Variants in TRAPPC4 observed in about 807,000 individuals in gnomAD.
TRAPPC4 encodes the protein trafficking protein particle complex subunit 4, also known as TRS23 homolog.
TRAPPC4 carries 30 observed loss-of-function variants against 23.5 expected under a neutral mutation model. The observed-to-expected ratio is 1.28, with a 90% CI of 0.96 to 1.73. The LOEUF (loss-of-function observed/expected upper bound fraction) is 1.73. Among genes scored for constraint, TRAPPC4 ranks in the 40% most tolerant of loss-of-function variants. The pLI, the probability that TRAPPC4 is intolerant of heterozygous loss-of-function variation, is 0.00. For synonymous variants in TRAPPC4, 129 were observed against 105.3 expected (o/e 1.23, Z -1.38); for missense variants, 252 against 268.9 (o/e 0.94, Z 0.44).
At chr11:119,021,938 G>A (rs1488174732) in intron 4 of TRAPPC4, 52 bp downstream of exon 4, 2 of 1,601,840 alleles carry the variant, frequency 1.2e-6, no homozygotes, top group South Asian at 1.1e-5. Context: ...GCCCCTCCCT[G>A]TGTGCTCTGT....
Position 119,018,900 on chromosome 11 carries a change from G to A in TRAPPC4, c.105G>A (p.Pro35=). The A allele has an allele frequency of 6.2e-7, 1 of 1,614,010 alleles. No individual in the cohort carries two copies. Among genetic ancestry groups the A allele is most frequent in the Non-Finnish European group, 8.5e-7 (1 of 1,180,032 alleles). Residue 35 remains proline (P), a synonymous_variant, in exon 1 of 5, where the codon CCG becomes CCA. Coordinates refer to ENST00000533632, the MANE Select transcript of TRAPPC4 (RefSeq NM_016146.6). ...AGGCTGAGAAAACTTTCAGTTATCCGCTGGATCTGCTGCTCAAGCTACACG... is the reference window on the plus strand; with the variant it reads ...AGGCTGAGAAAACTTTCAGTTATCCACTGGATCTGCTGCTCAAGCTACACG... The part of the protein sequence containing the change: ...RAEAEKTFSY[P]LDLLLKLHDE...
At chr11:119,019,475 G>A (rs1428441237) in intron 2 of TRAPPC4, 158 bp downstream of exon 2, 1 of 774,228 alleles carries the variant, frequency 1.3e-6, no homozygotes, top group Non-Finnish European at 2.0e-6. Flanking sequence ...GAGGGGCCGC[G>A]GAGTTACCCA....
intron 4 of TRAPPC4, among the ~76,000 whole-genome samples, chr11:119,022,408 T>G (rs1189613284): frequency 4.7e-5 from 7 of 150,524 alleles, no homozygotes; most frequent in Non-Finnish European, 1.5e-5. Context: ...CTGGACAACA[T>G]AGAACCCCAT....
Position 119,020,245 on chromosome 11 carries a change from C to T in TRAPPC4, c.446C>T (p.Thr149Ile), listed in dbSNP as rs574266822. 1.9e-6 allele frequency: 3 copies of T among 1,612,274 alleles called. No homozygotes were observed. The highest frequency in any genetic ancestry group is 2.7e-5 in the African/African-American group (2 of 74,986). ...ACATTCAAATTGCACTGCTACCAGA[C>T]ACTGACAGGTATGCATCTCCACGGA... The part of the protein sequence containing the change: ...TDTFKLHCYQ[T>I]LTGIKFVVLA... The change falls in exon 3 of 5, where the codon ACA (threonine) becomes ATA (isoleucine). Residue 149 changes from threonine (T) to isoleucine (I), a missense_variant. Coordinates refer to ENST00000533632, the MANE Select transcript of TRAPPC4 (RefSeq NM_016146.6).
In TRAPPC4 at chr11:119,023,531, G is replaced by T; in HGVS notation, c.*132G>T. The T allele has an allele frequency of 1.3e-6, 1 of 793,120 alleles. No homozygotes were observed. Among genetic ancestry groups the T allele is most frequent in the Non-Finnish European group, 2.1e-6 (1 of 466,190 alleles). 49.1% of individuals were successfully genotyped at this position (793,120 alleles called of 1,614,324 possible). On this transcript the variant is annotated 3_prime_UTR_variant, in exon 5 of 5. Transcript: ENST00000533632. The stretch of plus-strand genomic sequence containing the variant: ...GGGAGAATGCTGACCCTGATGACTT[G>T]TACTGATTCCTGAGCCTTAACACTG...
rs546508625 is a variant in TRAPPC4 at position 119,024,043 on chromosome 11, T to C, written c.*644T>C. The C allele has an allele frequency of 6.5e-6, 1 of 152,792 alleles. No homozygotes were observed. The highest frequency in any genetic ancestry group is 1.5e-5 in the Non-Finnish European group (1 of 68,462). The allele number at this position is 152,792 out of a possible 1,614,324, so 9.5% of individuals were successfully genotyped here. A position where few individuals can be genotyped will look rare whatever the true frequency, so the allele number is the denominator to read the frequency against. On this transcript the variant is annotated 3_prime_UTR_variant, in exon 5 of 5. Transcript: ENST00000533632. ...ACTTTCTGCCTCAAAGTTTCCAAGC[T>C]AGTTACTGACAGTCTGGGTTTGAAC... is the stretch of plus-strand genomic sequence containing the variant.
chr11:119,023,291 CTTT>C, intron 4 of TRAPPC4, 27 bp from the exon 5 acceptor site: 1 of 1,612,336 alleles, frequency 6.2e-7, no homozygotes, highest in South Asian at 1.1e-5. Flanking sequence ...AGGCCTCACA[CTTT>C]TTTTCCTCAC....
Position 119,023,686 on chromosome 11 carries a change from C to A in TRAPPC4, c.*287C>A. 2 of 249,226 alleles carry A rather than the reference C, an allele frequency of 8.0e-6. No homozygotes were observed. The highest frequency in any genetic ancestry group is 1.5e-5 in the Non-Finnish European group (2 of 129,828). The allele number at this position is 249,226 out of a possible 1,614,324, so 15.4% of individuals were successfully genotyped here. A position where few individuals can be genotyped will look rare whatever the true frequency, so the allele number is the denominator to read the frequency against. On this transcript the variant is annotated 3_prime_UTR_variant, in exon 5 of 5. Transcript: ENST00000533632. ...CTTGGTGTTTGCAATCTGTCTTAATCGATGGTTTTGGGGGAAAGATACAGG... is the reference window on the plus strand; with the variant it reads ...CTTGGTGTTTGCAATCTGTCTTAATAGATGGTTTTGGGGGAAAGATACAGG...
chr11:119,022,792 A>C (rs1282917074), intron 4 of TRAPPC4, among the ~76,000 whole-genome samples: 2 of 114 alleles, frequency 0.018, no homozygotes, highest in Admixed American at 0.17. Flanking sequence ...CCAGCTACTC[A>C]AGTAGGCTGA....
intron 4 of TRAPPC4, chr11:119,022,942 GTTTT>G (rs376353540): frequency 1.6e-5 from 2 of 124,338 alleles, no homozygotes; most frequent in African/African-American, 3.0e-5. Flanking sequence ...TGTTTGTGGG[GTTTT>G]TTTTGTTGAT....
rs1427717895 is a variant in TRAPPC4, at chr11:119,019,363, C to T, written c.350+46C>T. The T allele has an allele frequency of 2.5e-6, 4 of 1,577,498 alleles. No individual in the cohort carries two copies. The East Asian group carries it at 6.8e-5, about 27-fold the overall frequency. On this transcript the variant is annotated intron_variant, in intron 2 of 4. Coordinates refer to ENST00000533632, the MANE Select transcript of TRAPPC4 (RefSeq NM_016146.6). ...ACGGCAGCGCTTGTAATTTGTCTAC[C>T]TTTTCTTAAATCGTCGTTCTGGTGT...
intron 3 of TRAPPC4, 131 bp downstream of exon 3, chr11:119,020,384 C>T: frequency 1.5e-6 from 1 of 665,812 alleles, no homozygotes; most frequent in Non-Finnish European, 2.7e-6. Context: ...ACCAAAGACA[C>T]CTTTGGTAAG....
At chr11:119,020,378 A>G in intron 3 of TRAPPC4, 125 bp downstream of exon 3, 1 of 705,552 alleles carries the variant, frequency 1.4e-6, no homozygotes, top group Non-Finnish European at 2.5e-6. Context: ...GGGTTGACCA[A>G]AGACACCTTT....
chr11:119,020,763 T>C (rs558135833), intron 3 of TRAPPC4: 1 of 146,668 alleles, frequency 6.8e-6, no homozygotes, highest in African/African-American at 2.6e-5. Flanking sequence ...TGGAGTGTAG[T>C]GGCATGATCT....
Position 119,019,148 on chromosome 11 carries a change from C to A in TRAPPC4, c.181C>A (p.His61Asn). 1 of 1,614,024 alleles carries A rather than the reference C, an allele frequency of 6.2e-7. No homozygotes were observed. The highest frequency in any genetic ancestry group is 1.1e-5 in the South Asian group (1 of 91,062). ...FGQRDGIRVG[H>N]AVLAINGMDV... ...CGTTAGCTTCACCTCTGCAGTGGGT[C>A]ATGCAGTGCTGGCCATCAATGGCAT... is the stretch of plus-strand genomic sequence containing the variant. Residue 61 changes from histidine to asparagine, a missense_variant, in exon 2 of 5, where the codon CAT (histidine) becomes AAT (asparagine). Transcript: ENST00000533632.
intron 4 of TRAPPC4, 137 bp from the exon 5 acceptor site, chr11:119,023,184 C>CTT (rs1943439580): frequency 6.6e-6 from 5 of 758,868 alleles, no homozygotes; most frequent in Admixed American, 4.4e-5. Flanking sequence ...AGGCTAGTCT[C>CTT]AAAGTCCTGA....
At position 119,018,924 on chromosome 11, in the gene TRAPPC4, C is replaced by T. The variant is rs1338953616; in HGVS notation, c.129C>T (p.His43=). ...CGCTGGATCTGCTGCTCAAGCTACA[C>T]GATGAGCGTGTGTTGGTTGCTTTCG... ...SYPLDLLLKL[H]DERVLVAFGQ... The change falls in exon 1 of 5, where the codon CAC becomes CAT. Residue 43 remains histidine, a synonymous_variant. Transcript: ENST00000533632. The T allele has an allele frequency of 1.7e-5, 28 of 1,613,642 alleles. No individual in the cohort carries two copies. Among genetic ancestry groups the T allele is most frequent in the Non-Finnish European group, 2.4e-5 (28 of 1,180,030 alleles).
At position 119,020,196 on chromosome 11, in the gene TRAPPC4, G is replaced by C; in HGVS notation, c.397G>C (p.Gly133Arg). 1 of 1,613,998 alleles carries C rather than the reference G, an allele frequency of 6.2e-7. No individual in the cohort carries two copies. The highest frequency in any genetic ancestry group is 1.1e-5 in the South Asian group (1 of 91,088). Reference sequence around the variant, plus strand: ...GCTGTCTCCTGAACAGGGAAGCTCAGGCATTGAGATGCTGGAGACAGACAC... The same window carrying C: ...GCTGTCTCCTGAACAGGGAAGCTCACGCATTGAGATGCTGGAGACAGACAC... ...SQLSPEQGSS[G>R]IEMLETDTFK... is the part of the protein sequence containing the mutation. The change falls in exon 3 of 5, where the codon GGC becomes CGC. Residue 133 changes from glycine to arginine, a missense_variant. This residue lies in a region of TRAPPC4 where 222 missense variants were observed against 217.8 expected (regional missense o/e 1.02). Transcript: ENST00000533632.
At chr11:119,021,936 C>G in intron 4 of TRAPPC4, 50 bp downstream of exon 4, 2 of 1,601,950 alleles carry the variant, frequency 1.2e-6, no homozygotes, top group Non-Finnish European at 1.7e-6. Flanking sequence ...TTGCCCCTCC[C>G]TGTGTGCTCT....
Sources: gnomAD v4.1 joint callset for allele counts (sites outside exome capture counted in the v4.1 genomes callset) on GRCh38, gnomAD v4.1.1 for gene constraint, gnomAD v4.1.1 regional missense constraint, MANE v1.5 for transcripts, NCBI Gene and HGNC (gene_info 2026-07-23, HGNC 2026-07-21) for gene names.